Variants in TRPM3 observed in about 807,000 individuals in gnomAD.
TRPM3 encodes long transient receptor potential channel 3.
A neutral mutation model predicts 181.2 loss-of-function variants in TRPM3; 77 were observed. That is an observed-to-expected ratio of 0.42 (90% CI 0.35 to 0.51). The LOEUF is 0.51. TRPM3 is among the 20% of genes least tolerant of loss of function. The probability of loss-of-function intolerance (pLI) is 0.01; values close to 1 mark genes in which losing one functional copy is unlikely to be tolerated. For missense variants in TRPM3, 1,759 were observed against 2,196.7 expected (o/e 0.80, Z 3.98); for synonymous variants, 745 against 796.4 (o/e 0.94, Z 1.09).
intron 1 of TRPM3, among the ~76,000 whole-genome samples, chr9:71,291,685 AAAT>A (rs2085826585): frequency 6.6e-6 from 1 of 152,126 alleles, no homozygotes; most frequent in Non-Finnish European, 1.5e-5. Context: ...ACAAAAGAAA[AAAT>A]AATACAGATA....
intron 1 of TRPM3, among the ~76,000 whole-genome samples, chr9:71,241,535 T>C (rs1170839150): frequency 6.6e-6 from 1 of 150,588 alleles, no homozygotes; most frequent in Non-Finnish European, 1.5e-5. Context: ...TTAGGAGATA[T>C]ACCTAATGTT....
chr9:71,304,741 G>A lies in TRPM3; in HGVS notation c.183+141912C>T, dbSNP rs146049258. Among the ~76,000 whole-genome samples the A allele has an allele frequency of 3.2e-4, 49 of 152,244 alleles. 1 individual carries two copies. The East Asian group carries it at 8.1e-3, about 25-fold the overall frequency. On this transcript the variant is annotated intron_variant, in intron 1 of 24. Transcript: ENST00000357533. Reference sequence around the variant, plus strand: ...GACCTACAACATTCTCTCTTGAGGCGCATTTAAATACTACAGGATACAGTA... The same window carrying A: ...GACCTACAACATTCTCTCTTGAGGCACATTTAAATACTACAGGATACAGTA...
chr9:70,645,004 A>T (rs2058616680), intron 9 of TRPM3, among the ~76,000 whole-genome samples: 1 of 152,230 alleles, frequency 6.6e-6, no homozygotes, highest in Non-Finnish European at 1.5e-5. Context: ...CTTACAAGGG[A>T]TGTGAAGGAC....
chr9:71,371,539 C>A (rs556840031), intron 1 of TRPM3, among the ~76,000 whole-genome samples: 1 of 152,170 alleles, frequency 6.6e-6, no homozygotes, highest in African/African-American at 2.4e-5. Context: ...GACTGAATTG[C>A]TGCAGTTTCA....
At chr9:71,403,329 G>A (rs1227451050) in intron 1 of TRPM3, among the ~76,000 whole-genome samples, 1 of 152,130 alleles carries the variant, frequency 6.6e-6, no homozygotes, top group African/African-American at 2.4e-5. Flanking sequence ...GCTCTTTGCA[G>A]GAAAACTTTG....
intron 1 of TRPM3, among the ~76,000 whole-genome samples, chr9:70,951,578 G>A (rs2097000152): frequency 6.6e-6 from 1 of 152,130 alleles, no homozygotes; most frequent in Non-Finnish European, 1.5e-5. Flanking sequence ...CTTACCTCAG[G>A]TGATCCGACT....
rs566702561 is a variant in TRPM3 at position 71,179,678 on chromosome 9, C to T, written c.183+266975G>A. On this transcript the variant is annotated intron_variant, in intron 1 of 24. Transcript: ENST00000357533. ...TGAAGGGGCAGGACGCTAACTTAGC[C>T]AGAGACTTCTGTGATTTGTAGGGGG... Among the ~76,000 whole-genome samples the T allele has an allele frequency of 6.6e-5, 10 of 152,204 alleles. No individual in the cohort carries two copies. In the East Asian group the frequency reaches 1.5e-3, roughly 24 times the overall value.
intron 22 of TRPM3, among the ~76,000 whole-genome samples, chr9:70,581,954 C>T (rs1289354800): frequency 9.4e-5 from 4 of 42,398 alleles, no homozygotes; most frequent in Non-Finnish European, 2.7e-4. Flanking sequence ...CTTGTCTTCT[C>T]CTTCCTTTCT....
rs532064598 is a variant in TRPM3 at position 71,110,201 on chromosome 9, G to C, written c.177+10977C>G. 5.3e-5 allele frequency among the ~76,000 whole-genome samples: 8 copies of C among 152,178 alleles called. No individual in the cohort carries two copies. The East Asian group carries it at 1.5e-3, about 29-fold the overall frequency. On this transcript the variant is annotated intron_variant, in intron 1 of 25. Transcript: ENST00000677713. Reference sequence around the variant, plus strand: ...CAAATGGCTTTTCCGTCATTCCTAAGTAAATTCAAGAATGTTAAAGGTGGA... The same window carrying C: ...CAAATGGCTTTTCCGTCATTCCTAACTAAATTCAAGAATGTTAAAGGTGGA...
At chr9:70,891,752 G>A (rs2096207000) in intron 1 of TRPM3, among the ~76,000 whole-genome samples, 1 of 152,074 alleles carries the variant, frequency 6.6e-6, no homozygotes. Context: ...ACTGTTAGGA[G>A]GTTTCTTATG....
intron 25 of TRPM3, among the ~76,000 whole-genome samples, chr9:70,541,277 A>G (rs1271286230): frequency 6.6e-6 from 1 of 152,156 alleles, no homozygotes; most frequent in Admixed American, 6.5e-5. Context: ...TAACTGTCCT[A>G]TGGGCTCTGA....
chr9:70,881,079 G>A (rs2039642), intron 1 of TRPM3, among the ~76,000 whole-genome samples: 1 of 151,746 alleles, frequency 6.6e-6, no homozygotes, highest in Admixed American at 6.6e-5. Flanking sequence ...ACAAGTTTTT[G>A]TTAAATTTTT....
intron 1 of TRPM3, among the ~76,000 whole-genome samples, chr9:70,993,522 A>T (rs1410621865): frequency 6.6e-6 from 1 of 152,154 alleles, no homozygotes; most frequent in Non-Finnish European, 1.5e-5. Flanking sequence ...AGGCTGAAAA[A>T]TCAAAAGGTT....
In TRPM3 at chr9:71,080,045, C is replaced by T. The variant is rs551121485; in HGVS notation, c.177+41133G>A. ...ATTAGCTGGGCATGTTGGCGGATGC[C>T]TGTAATTCCAGCGACTTGAGAGGCT... On this transcript the variant is annotated intron_variant, in intron 1 of 25. Coordinates refer to ENST00000677713, the MANE Select transcript of TRPM3 (RefSeq NM_001366145.2). Among the ~76,000 whole-genome samples, 22 of 152,188 alleles carry T rather than the reference C, an allele frequency of 1.4e-4. No individual in the cohort carries two copies. The East Asian group carries it at 2.9e-3, about 20-fold the overall frequency.
intron 1 of TRPM3, among the ~76,000 whole-genome samples, chr9:71,366,168 A>T (rs1334438591): frequency 6.6e-6 from 1 of 152,224 alleles, no homozygotes; most frequent in African/African-American, 2.4e-5. Context: ...TAACTTAAAA[A>T]TTTGAGTTCA....
At chr9:70,799,265 C>T (rs1320775221) in intron 6 of TRPM3, among the ~76,000 whole-genome samples, 1 of 152,036 alleles carries the variant, frequency 6.6e-6, no homozygotes, top group Non-Finnish European at 1.5e-5. Context: ...CTAGGGGTGA[C>T]CTTCATTCAC....
intron 14 of TRPM3, among the ~76,000 whole-genome samples, chr9:70,624,419 C>T (rs1378846379): frequency 6.6e-6 from 1 of 152,150 alleles, no homozygotes; most frequent in Non-Finnish European, 1.5e-5. Flanking sequence ...CCTCAGCCCC[C>T]TTAGTAGCTG....
chr9:70,822,229 G>A (rs886539874), intron 6 of TRPM3, among the ~76,000 whole-genome samples: 1 of 152,042 alleles, frequency 6.6e-6, no homozygotes, highest in Non-Finnish European at 1.5e-5. Flanking sequence ...GAATCTCACC[G>A]CTTCTCAAAA....
chr9:70,853,549 T>C (rs180687481), intron 3 of TRPM3, among the ~76,000 whole-genome samples: 5 of 152,316 alleles, frequency 3.3e-5, no homozygotes, highest in Admixed American at 2.6e-4. Flanking sequence ...AAGGAAGATT[T>C]AGGAAGTACT....
Sources: gnomAD v4.1 joint callset for allele counts (sites outside exome capture counted in the v4.1 genomes callset) on GRCh38, gnomAD v4.1.1 for gene constraint, MANE v1.5 for transcripts, NCBI Gene and HGNC (gene_info 2026-07-23, HGNC 2026-07-21) for gene names.